Variants in FANCD2 observed in about 807,000 individuals in gnomAD.
FANCD2 encodes the protein Fanconi anemia group D2 protein.
A neutral mutation model predicts 192.3 loss-of-function variants in FANCD2; 131 were observed. The observed-to-expected ratio is 0.68, with a 90% CI of 0.59 to 0.79. FANCD2 has a LOEUF of 0.79. Ranked by LOEUF, FANCD2 falls within the 30% of genes least tolerant of loss-of-function variation. The pLI is 0.00. For missense variants in FANCD2, 1,508 were observed against 1,701.6 expected (o/e 0.89, Z 2.00); for synonymous variants, 524 against 612.5 (o/e 0.86, Z 2.13).
chr3:10,051,402 A>C (rs2087206286), intron 17 of FANCD2, among the ~76,000 whole-genome samples: 1 of 11,168 alleles, frequency 9.0e-5, no homozygotes, highest in Non-Finnish European at 1.4e-4. Flanking sequence ...AAAAAAAAAA[A>C]AAAAACAAAA....
chr3:10,039,140 G>A (rs2086800395), intron 7 of FANCD2, 139 bp from the exon 8 acceptor site: 1 of 591,846 alleles, frequency 1.7e-6, no homozygotes, highest in Non-Finnish European at 3.0e-6. Flanking sequence ...TCACTTGTGT[G>A]TCTAGTGCAG....
At chr3:10,068,725 G>A (rs1232077617) in intron 26 of FANCD2, among the ~76,000 whole-genome samples, 3 of 150,322 alleles carry the variant, frequency 2.0e-5, no homozygotes, top group African/African-American at 4.9e-5. Flanking sequence ...TGGAGGAATC[G>A]CATTACCTGA....
At chr3:10,056,612 G>T (rs1559384660) in intron 18 of FANCD2, among the ~76,000 whole-genome samples, 1 of 151,946 alleles carries the variant, frequency 6.6e-6, no homozygotes, top group African/African-American at 2.4e-5. Context: ...CTTCACTGCA[G>T]CCTGGAAATC....
At position 10,043,667 on chromosome 3, in the gene FANCD2, C is replaced by T. The variant is rs34684855; in HGVS notation, c.1098+75C>T. On this transcript the variant is annotated intron_variant, in intron 13 of 43. Transcript: ENST00000675286. ...GTGACAGATGTATAACTGAGGTAGA[C>T]TGAAATAAAAATCTCAAAACTCATT... 8,344 of 1,312,044 alleles carry T rather than the reference C, an allele frequency of 6.4e-3. 344 individuals carry two copies. In the African/African-American group the frequency reaches 0.11, roughly 17 times the overall value. 81.3% of individuals were successfully genotyped at this position (1,312,044 alleles called of 1,614,324 possible). A position where few individuals can be genotyped will look rare whatever the true frequency, so the allele number is the denominator to read the frequency against.
At chr3:10,031,440 T>C (rs900574936) in intron 2 of FANCD2, among the ~76,000 whole-genome samples, 2 of 149,902 alleles carry the variant, frequency 1.3e-5, no homozygotes, top group South Asian at 2.1e-4. Context: ...AGGCGGAGCT[T>C]GCAGTGAGCC....
rs1230115616 is a variant in FANCD2 at position 10,069,495 on chromosome 3, T to TCTCCCTC, written c.2494+2179_2494+2185dup. On this transcript the variant is annotated intron_variant, in intron 26 of 43. Coordinates refer to ENST00000675286, the MANE Select transcript of FANCD2 (RefSeq NM_001018115.3). ...TCCCCCTCCCCCTCCCCCTCTCCCG[T>TCTCCCTC]CTCCCTCTGATGCCGAGCCAAAGCT... 3.8e-3 allele frequency among the ~76,000 whole-genome samples: 229 copies of TCTCCCTC among 60,024 alleles called. 3 individuals are homozygous for TCTCCCTC. Among genetic ancestry groups the TCTCCCTC allele is most frequent in the Admixed American group, 0.022 (130 of 5,908 alleles). 39.4% of individuals were successfully genotyped at this position (60,024 alleles called of 152,430 possible).
At chr3:10,088,067 A>G (rs1355603016) in intron 34 of FANCD2, among the ~76,000 whole-genome samples, 1 of 152,230 alleles carries the variant, frequency 6.6e-6, no homozygotes, top group Non-Finnish European at 1.5e-5. Flanking sequence ...CCTATTGATT[A>G]AAAGGGGAAG....
intron 19 of FANCD2, among the ~76,000 whole-genome samples, chr3:10,061,929 A>C (rs567613045): frequency 7.3e-6 from 1 of 137,488 alleles, no homozygotes; most frequent in African/African-American, 2.7e-5. Flanking sequence ...ATGAGAACAC[A>C]TGGACACAGG....
At chr3:10,066,155 A>G (rs2087714337) in intron 25 of FANCD2, among the ~76,000 whole-genome samples, 176 bp downstream of exon 25, 1 of 152,212 alleles carries the variant, frequency 6.6e-6, no homozygotes, top group East Asian at 1.9e-4. Context: ...TAGCCAAATG[A>G]GAATACTTAG....
In FANCD2 at chr3:10,085,798, C is replaced by G; in HGVS notation, c.3225-14C>G. The G allele has an allele frequency of 6.3e-7, 1 of 1,579,764 alleles. No homozygotes were observed. The highest frequency in any genetic ancestry group is 8.7e-7 in the Non-Finnish European group (1 of 1,148,776). ...CAGAAACTAAGCTAACCCCTCTTAC[C>G]TTGACTTCCTTAGGAGTGGATTTTC... On this transcript the variant is annotated splice_polypyrimidine_tract_variant and intron_variant, in intron 32 of 43. Coordinates refer to ENST00000675286, the MANE Select transcript of FANCD2 (RefSeq NM_001018115.3).
chr3:10,091,520 T>G (rs1246670076), intron 37 of FANCD2, among the ~76,000 whole-genome samples: 1 of 151,848 alleles, frequency 6.6e-6, no homozygotes, highest in Non-Finnish European at 1.5e-5. Context: ...GCTTCTCTGC[T>G]TCCCTATGCT....
chr3:10,078,496 A>C (rs894282545), intron 30 of FANCD2, among the ~76,000 whole-genome samples: 1 of 151,986 alleles, frequency 6.6e-6, no homozygotes, highest in South Asian at 2.1e-4. Flanking sequence ...CTGGGACTAC[A>C]GGTGCCTGCC....
At position 10,101,700 on chromosome 3, in the gene FANCD2, T is replaced by C. The variant is rs2600014; in HGVS notation, c.*438T>C. ...TCCCAGCCATATTTTGTTCTTAAAGTGGGGTCTTTATTAACTTGTGGACAT... is the reference window on the plus strand; with the variant it reads ...TCCCAGCCATATTTTGTTCTTAAAGCGGGGTCTTTATTAACTTGTGGACAT... On this transcript the variant is annotated 3_prime_UTR_variant, in exon 44 of 44. Coordinates refer to ENST00000675286, the MANE Select transcript of FANCD2 (RefSeq NM_001018115.3). The C allele has an allele frequency of 3.7e-6, 1 of 273,358 alleles. No homozygotes were observed. Among genetic ancestry groups the C allele is most frequent in the African/African-American group, 2.2e-5 (1 of 45,256 alleles). The allele number at this position is 273,358 out of a possible 1,614,324, so 16.9% of individuals were successfully genotyped here. A position where few individuals can be genotyped will look rare whatever the true frequency, so the allele number is the denominator to read the frequency against.
At chr3:10,078,672 G>T (rs1485575779) in intron 30 of FANCD2, among the ~76,000 whole-genome samples, 2 of 149,038 alleles carry the variant, frequency 1.3e-5, no homozygotes, top group Non-Finnish European at 3.0e-5. Context: ...CTTTAAATAG[G>T]AAGTCTGAAG....
chr3:10,079,289 A>G (rs1164018839), intron 30 of FANCD2, among the ~76,000 whole-genome samples: 4 of 151,850 alleles, frequency 2.6e-5, no homozygotes, highest in East Asian at 3.9e-4. Context: ...GAAAATAGAA[A>G]GGCACTTGGA....
intron 9 of FANCD2, chr3:10,041,016 A>C (rs1271359293): frequency 6.1e-6 from 1 of 163,956 alleles, no homozygotes; most frequent in East Asian, 1.8e-4. Flanking sequence ...CAACATGGTG[A>C]AAAGCCGTCT....
intron 7 of FANCD2, among the ~76,000 whole-genome samples, chr3:10,037,045 A>G (rs775776546): frequency 1.5e-4 from 23 of 149,030 alleles, no homozygotes; most frequent in Admixed American, 7.4e-4. Context: ...GGGTTTCGCC[A>G]TGTTGCCCAG....
intron 26 of FANCD2, among the ~76,000 whole-genome samples, chr3:10,070,035 A>G (rs1390514291): frequency 9.2e-5 from 12 of 130,780 alleles, no homozygotes; most frequent in South Asian, 2.5e-4. Flanking sequence ...CTGCCCGGCC[A>G]CCCATCGTCT....
intron 9 of FANCD2, 175 bp downstream of exon 9, chr3:10,040,020 A>C: frequency 3.3e-6 from 2 of 601,410 alleles, no homozygotes; most frequent in Non-Finnish European, 5.6e-6. Flanking sequence ...ATTTGAATAG[A>C]TCCACATACT....
Sources: gnomAD v4.1 joint callset for allele counts (sites outside exome capture counted in the v4.1 genomes callset) on GRCh38, gnomAD v4.1.1 for gene constraint, MANE v1.5 for transcripts, NCBI Gene and HGNC (gene_info 2026-07-23, HGNC 2026-07-21) for gene names.